PRKAR2A: variants seen among roughly 807,000 people sequenced by gnomAD.
PRKAR2A encodes the protein protein kinase cAMP-dependent type II regulatory subunit alpha.
A neutral mutation model predicts 51.9 loss-of-function variants in PRKAR2A; 29 were observed. That is an observed-to-expected ratio of 0.56 (90% CI 0.42 to 0.76). The LOEUF (loss-of-function observed/expected upper bound fraction) is 0.76. Ranked by LOEUF, PRKAR2A falls within the 30% of genes least tolerant of loss-of-function variation. The pLI, the probability that PRKAR2A is intolerant of heterozygous loss-of-function variation, is 0.00. For missense variants in PRKAR2A, 445 were observed against 512.1 expected (o/e 0.87, Z 1.26); for synonymous variants, 178 against 186.2 (o/e 0.96, Z 0.36).
intron 1 of PRKAR2A, among the ~76,000 whole-genome samples, chr3:48,845,647 T>C (rs2083449523): frequency 6.6e-6 from 1 of 152,184 alleles, no homozygotes; most frequent in Admixed American, 6.6e-5. Context: ...GTAGATCAGA[T>C]GTAGAAAGTG....
At chr3:48,835,639 CAA>C (rs760971706) in intron 1 of PRKAR2A, among the ~76,000 whole-genome samples, 3 of 48,542 alleles carry the variant, frequency 6.2e-5, no homozygotes, top group Non-Finnish European at 4.2e-5. Context: ...GACTCCGTCT[CAA>C]AAAAAAAAAA....
intron 2 of PRKAR2A, among the ~76,000 whole-genome samples, chr3:48,801,866 A>G (rs1010990624): frequency 2.6e-5 from 4 of 152,136 alleles, no homozygotes; most frequent in Non-Finnish European, 5.9e-5. Flanking sequence ...CCTCCCAAGA[A>G]GCTGGGATAC....
intron 1 of PRKAR2A, among the ~76,000 whole-genome samples, chr3:48,836,419 T>TAAAAAAAAAAAAAAAA (rs548970318): frequency 9.6e-4 from 54 of 56,072 alleles, no homozygotes; most frequent in African/African-American, 1.9e-3. Context: ...AGACTCCGTC[T>TAAAAAAAAAAAAAAAA]AAAAAAAAAA....
intron 6 of PRKAR2A, among the ~76,000 whole-genome samples, chr3:48,770,228 T>C (rs1357151849): frequency 6.6e-6 from 1 of 151,992 alleles, no homozygotes; most frequent in Non-Finnish European, 1.5e-5. Flanking sequence ...GAAGAGGAAA[T>C]TCCCACAGGC....
chr3:48,795,208 C>A (rs1243636873), intron 2 of PRKAR2A, among the ~76,000 whole-genome samples: 1 of 152,108 alleles, frequency 6.6e-6, no homozygotes, highest in Non-Finnish European at 1.5e-5. Flanking sequence ...GATCTCCTGA[C>A]CTCAACCACC....
intron 3 of PRKAR2A, among the ~76,000 whole-genome samples, chr3:48,791,925 A>T (rs1415565769): frequency 1.3e-5 from 2 of 150,696 alleles, no homozygotes; most frequent in Admixed American, 1.3e-4. Context: ...AAAAAAAAAA[A>T]AAAAAAAGAT....
chr3:48,805,711 C>A (rs1370888719), intron 2 of PRKAR2A, among the ~76,000 whole-genome samples: 1 of 152,160 alleles, frequency 6.6e-6, no homozygotes, highest in Non-Finnish European at 1.5e-5. Context: ...ACGGTCTGCA[C>A]TTAAAAAATG....
At chr3:48,773,946 C>T (rs1269857180) in intron 5 of PRKAR2A, among the ~76,000 whole-genome samples, 1 of 81,578 alleles carries the variant, frequency 1.2e-5, no homozygotes, top group Non-Finnish European at 2.5e-5. Context: ...TAGCAATCCT[C>T]TCACCTCAGC....
intron 1 of PRKAR2A, among the ~76,000 whole-genome samples, chr3:48,810,277 T>C (rs1213234756): frequency 1.3e-5 from 2 of 152,162 alleles, no homozygotes; most frequent in Non-Finnish European, 2.9e-5. Context: ...TATACATATA[T>C]TTGTGTATAC....
chr3:48,810,283 T>G (rs1432486191), intron 1 of PRKAR2A, among the ~76,000 whole-genome samples: 4 of 152,178 alleles, frequency 2.6e-5, no homozygotes, highest in Non-Finnish European at 1.5e-5. Context: ...TATATTTGTG[T>G]ATACAATCAT....
rs759864383 is a variant in PRKAR2A, at chr3:48,847,287, C to G, written c.262+48G>C. ...CTGGCTCCCTGCCACCCCTCTAGAC[C>G]TCTGGAGACCTCCTGCACCACTCCC... is the stretch of plus-strand genomic sequence containing the variant. On this transcript the variant is annotated intron_variant, in intron 1 of 10. Coordinates refer to ENST00000265563, the MANE Select transcript of PRKAR2A (RefSeq NM_004157.4). This position sits in a 1 kb window ranked among gnomAD's most constrained non-coding sequence, Gnocchi z 4.4. The G allele has an allele frequency of 1.9e-6, 3 of 1,602,350 alleles. No homozygotes were observed. Among genetic ancestry groups the G allele is most frequent in the Non-Finnish European group, 2.6e-6 (3 of 1,174,418 alleles).
At chr3:48,771,734 T>C (rs1276455821) in intron 6 of PRKAR2A, among the ~76,000 whole-genome samples, 1 of 152,144 alleles carries the variant, frequency 6.6e-6, no homozygotes, top group African/African-American at 2.4e-5. Context: ...TCAAATCTTT[T>C]ACATTTTTTA....
chr3:48,779,828 TAAAA>T (rs1336845315), intron 5 of PRKAR2A, among the ~76,000 whole-genome samples: 1 of 130,388 alleles, frequency 7.7e-6, no homozygotes, highest in Admixed American at 8.0e-5. Context: ...AATAAATAAA[TAAAA>T]TATATAGTTT....
At chr3:48,794,644 G>C (rs752831369) in intron 2 of PRKAR2A, among the ~76,000 whole-genome samples, 6 of 151,798 alleles carry the variant, frequency 4.0e-5, no homozygotes, top group Non-Finnish European at 8.8e-5. Context: ...GCAGTGAGCC[G>C]AGATCATGCC....
intron 6 of PRKAR2A, among the ~76,000 whole-genome samples, chr3:48,768,342 TATAGAC>T (rs1559608366): frequency 1.3e-5 from 2 of 148,866 alleles, no homozygotes; most frequent in Admixed American, 6.7e-5. Flanking sequence ...GATAGATAGA[TATAGAC>T]AGACAGAGAG....
chr3:48,778,110 C>A (rs926230459), intron 5 of PRKAR2A, among the ~76,000 whole-genome samples: 1 of 152,126 alleles, frequency 6.6e-6, no homozygotes, highest in Non-Finnish European at 1.5e-5. Context: ...CCAACTTGAC[C>A]ATGAATTTTT....
At chr3:48,819,118 C>T (rs538340658) in intron 1 of PRKAR2A, among the ~76,000 whole-genome samples, 4 of 152,056 alleles carry the variant, frequency 2.6e-5, no homozygotes, top group Non-Finnish European at 5.9e-5. Context: ...TGGGCTCAAG[C>T]GATTCTCCTG....
At chr3:48,841,161 G>A (rs1169677821) in intron 1 of PRKAR2A, among the ~76,000 whole-genome samples, 2 of 151,680 alleles carry the variant, frequency 1.3e-5, no homozygotes, top group Non-Finnish European at 2.9e-5. Flanking sequence ...TGGGATTACA[G>A]GCACGTGCCA....
At chr3:48,824,924 C>T (rs2083034659) in intron 1 of PRKAR2A, among the ~76,000 whole-genome samples, 1 of 149,496 alleles carries the variant, frequency 6.7e-6, no homozygotes, top group Non-Finnish European at 1.5e-5. Flanking sequence ...ACAGCCTGGG[C>T]GACAGAGTGA....
Sources: allele counts gnomAD v4.1 joint callset (sites outside exome capture counted in the v4.1 genomes callset), GRCh38; gene constraint gnomAD v4.1.1; non-coding constraint Gnocchi (gnomAD v3.1); transcripts MANE v1.5; gene names NCBI Gene and HGNC (gene_info 2026-07-23, HGNC 2026-07-21).